The following MAP4K5 variants were observed in gnomAD, a reference collection of about 807,000 sequenced individuals.
MAP4K5 encodes MAPK/ERK kinase kinase kinase 5.
In MAP4K5, 82 loss-of-function variants were observed where a neutral mutation model predicts 135.6. The ratio of observed to expected loss-of-function variants is 0.60; its 90% CI spans 0.51 to 0.73. The LOEUF is 0.73. Ranked by LOEUF, MAP4K5 falls within the 30% of genes least tolerant of loss-of-function variation. The pLI is 0.00. For missense variants in MAP4K5, 907 were observed against 1,010.9 expected (o/e 0.90, Z 1.39); for synonymous variants, 347 against 335.0 (o/e 1.04, Z -0.39).
At chr14:50,488,007 A>C (rs2037404293) in intron 3 of MAP4K5, among the ~76,000 whole-genome samples, 1 of 152,148 alleles carries the variant, frequency 6.6e-6, no homozygotes, top group South Asian at 2.1e-4. Flanking sequence ...ATATATATTA[A>C]CACATATATA....
intron 12 of MAP4K5, 30 bp from the exon 13 acceptor site, chr14:50,462,811 G>T: frequency 1.6e-6 from 2 of 1,281,662 alleles, no homozygotes; most frequent in South Asian, 1.2e-5. Flanking sequence ...AATTTCATGA[G>T]TATGCCTTTA....
At chr14:50,472,364 CTGAGT>C (rs1566663155) in intron 9 of MAP4K5, 1 of 152,056 alleles carries the variant, frequency 6.6e-6, no homozygotes, top group Non-Finnish European at 1.5e-5. Context: ...ATTCAATTAT[CTGAGT>C]TATCTTTGAA....
intron 21 of MAP4K5, among the ~76,000 whole-genome samples, chr14:50,440,987 C>G (rs1238224477): frequency 6.6e-6 from 1 of 152,048 alleles, no homozygotes; most frequent in East Asian, 1.9e-4. Context: ...GAGGACATTT[C>G]AAACAAAAGA....
At chr14:50,423,721 A>T (rs1320442773) in intron 31 of MAP4K5, among the ~76,000 whole-genome samples, 2 of 152,160 alleles carry the variant, frequency 1.3e-5, no homozygotes, top group Non-Finnish European at 2.9e-5. Flanking sequence ...GTGAACTATG[A>T]TTGCACCACT....
chr14:50,501,076 T>C (rs2037696699), intron 3 of MAP4K5, among the ~76,000 whole-genome samples: 2 of 152,144 alleles, frequency 1.3e-5, no homozygotes, highest in African/African-American at 2.4e-5. Context: ...TCATGGCATT[T>C]ATAAATTATA....
chr14:50,423,072 T>G, intron 32 of MAP4K5, 49 bp downstream of exon 32: 1 of 859,702 alleles, frequency 1.2e-6, no homozygotes, highest in Admixed American at 2.3e-5. Flanking sequence ...ATTAAGAGTA[T>G]GATCTTTGAA....
At chr14:50,476,364 T>G (rs74829087) in intron 6 of MAP4K5, 58 bp from the exon 7 acceptor site, 18,450 of 823,248 alleles carry the variant, frequency 0.022, 302 homozygotes, top group East Asian at 0.065. Flanking sequence ...ATGTGACTCC[T>G]AAATTTTCTA....
chr14:50,560,213 G>A, intron 1 of MAP4K5: 1 of 1,608,980 alleles, frequency 6.2e-7, no homozygotes, highest in Non-Finnish European at 8.5e-7. Flanking sequence ...CGGCCCCGGA[G>A]AAGGCAGCGA....
At chr14:50,554,133 A>G (rs1429170633) in intron 1 of MAP4K5, among the ~76,000 whole-genome samples, 1 of 152,008 alleles carries the variant, frequency 6.6e-6, no homozygotes, top group African/African-American at 2.4e-5. Context: ...ATCCACAAAA[A>G]CCAATACGTA....
At position 50,438,001 on chromosome 14, in the gene MAP4K5, G is replaced by A; in HGVS notation, c.1716C>T (p.Thr572=). The A allele has an allele frequency of 1.9e-6, 3 of 1,578,636 alleles. No individual in the cohort carries two copies. Among genetic ancestry groups the A allele is most frequent in the Non-Finnish European group, 2.6e-6 (3 of 1,148,852 alleles). Residue 572 remains threonine, a synonymous_variant, in exon 25 of 33, where the codon ACC becomes ACT. Coordinates refer to ENST00000682126, the MANE Select transcript of MAP4K5 (RefSeq NM_006575.6). The part of the protein sequence containing the change: ...NTLMSLSEGK[T]FQLYSHNLIA... ...TAAGATTGTGAGAGTAGAGCTGAAAGGTTTTTCCTATAAAAGAAAAACATG... is the reference window on the plus strand; with the variant it reads ...TAAGATTGTGAGAGTAGAGCTGAAAAGTTTTTCCTATAAAAGAAAAACATG...
At chr14:50,461,155 A>T (rs1595466296) in intron 13 of MAP4K5, among the ~76,000 whole-genome samples, 2 of 152,074 alleles carry the variant, frequency 1.3e-5, no homozygotes, top group Non-Finnish European at 2.9e-5. Flanking sequence ...CCTCCCAAGT[A>T]GCTGGGACTA....
At position 50,419,837 on chromosome 14, in the gene MAP4K5, A is replaced by T; in HGVS notation, c.*182T>A. ...TTGATATAACCACCACACAGTGGCA[A>T]GAGATAGACTAGCTGTTTCCAGCTG... On this transcript the variant is annotated 3_prime_UTR_variant, in exon 33 of 33. Transcript: ENST00000682126. The T allele has an allele frequency of 1.8e-6, 1 of 547,986 alleles. No homozygotes were observed. Among genetic ancestry groups the T allele is most frequent in the Non-Finnish European group, 3.3e-6 (1 of 305,934 alleles). 33.9% of individuals were successfully genotyped at this position (547,986 alleles called of 1,614,324 possible). A position where few individuals can be genotyped will look rare whatever the true frequency, so the allele number is the denominator to read the frequency against.
intron 16 of MAP4K5, 144 bp downstream of exon 16, chr14:50,447,270 T>A (rs1254577418): frequency 1.8e-6 from 1 of 557,806 alleles, no homozygotes; most frequent in Admixed American, 3.7e-5. Context: ...TGATGCTTTT[T>A]GGTAAAACTC....
At chr14:50,497,334 G>A (rs1465467625) in intron 3 of MAP4K5, among the ~76,000 whole-genome samples, 1 of 152,020 alleles carries the variant, frequency 6.6e-6, no homozygotes, top group Non-Finnish European at 1.5e-5. Context: ...TGACATTTGG[G>A]GCATGTATTT....
chr14:50,461,391 T>C (rs1418350265), intron 13 of MAP4K5, among the ~76,000 whole-genome samples: 2 of 151,842 alleles, frequency 1.3e-5, no homozygotes, highest in African/African-American at 4.8e-5. Flanking sequence ...AAATTCCCTT[T>C]AGTGAAGGTA....
intron 15 of MAP4K5, 128 bp downstream of exon 15, chr14:50,448,646 G>A (rs1034777308): frequency 2.0e-5 from 11 of 554,792 alleles, no homozygotes; most frequent in African/African-American, 3.9e-5. Flanking sequence ...ACTTTAATAC[G>A]GGAAAAATTG....
At chr14:50,551,198 A>G (rs2038697783) in intron 1 of MAP4K5, among the ~76,000 whole-genome samples, 1 of 152,200 alleles carries the variant, frequency 6.6e-6, no homozygotes, top group African/African-American at 2.4e-5. Flanking sequence ...GGAAGATGTT[A>G]TAACTGATAC....
At chr14:50,533,993 A>G (rs1175993965), upstream of MAP4K5, among the ~76,000 whole-genome samples, 1 of 152,142 alleles carries the variant, frequency 6.6e-6, no homozygotes, top group Non-Finnish European at 1.5e-5. Flanking sequence ...TTGTTGAAGA[A>G]CAGTTCCTTC....
At position 50,462,759 on chromosome 14, in the gene MAP4K5, C is replaced by G. The variant is rs1302400317; in HGVS notation, c.842G>C (p.Gly281Ala). The G allele has an allele frequency of 4.3e-6, 7 of 1,610,972 alleles. No homozygotes were observed. The highest frequency in any genetic ancestry group is 5.9e-6 in the Non-Finnish European group (7 of 1,178,374). ...LLTHTFVAQP[G>A]LSRALAVELL... ...TTCAACTGCTAGGGCTCTAGAGAGA[C>G]CTGGCTGTGCAACAAAAGTGTGCTA... The change falls in exon 13 of 33, where the codon GGT (glycine) becomes GCT (alanine). Residue 281 changes from glycine (G) to alanine (A), a missense_variant. Gly to Ala is a moderately conservative substitution (Grantham distance 60, BLOSUM62 0). This residue lies in a region of MAP4K5 where 690 missense variants were observed against 777.4 expected (regional missense o/e 0.89). Coordinates refer to ENST00000682126, the MANE Select transcript of MAP4K5 (RefSeq NM_006575.6).
Sources: allele counts gnomAD v4.1 joint callset (sites outside exome capture counted in the v4.1 genomes callset), GRCh38; gene constraint gnomAD v4.1.1; regional missense constraint gnomAD v4.1.1; transcripts MANE v1.5; gene names NCBI Gene and HGNC (gene_info 2026-07-23, HGNC 2026-07-21).